FAM163A: variants seen among roughly 807,000 people sequenced by gnomAD.
FAM163A encodes the protein family with sequence similarity 163 member A.
Under a neutral mutation model 12.0 loss-of-function variants are expected in FAM163A, and 7 were observed. The observed-to-expected ratio is 0.58, with a 90% confidence interval of 0.33 to 1.10. The LOEUF (loss-of-function observed/expected upper bound fraction) is 1.10. FAM163A is among the 50% of genes least tolerant of loss of function. FAM163A has a pLI of 0.03. For synonymous variants in FAM163A, 101 were observed against 91.0 expected, an observed-to-expected ratio of 1.11 and a Z score of -0.62; for missense variants, 202 against 218.6, an observed-to-expected ratio of 0.92 and a Z score of 0.48.
intron 1 of FAM163A, among the ~76,000 whole-genome samples, chr1:179,790,369 A>G (rs901623098): frequency 6.6e-6 from 1 of 152,042 alleles, no homozygotes; most frequent in Non-Finnish European, 1.5e-5. Flanking sequence ...GGAGATGGGA[A>G]ACTGAGGCCC....
chr1:179,811,815 A>G (rs990840265), intron 2 of FAM163A, among the ~76,000 whole-genome samples: 1 of 152,176 alleles, frequency 6.6e-6, no homozygotes, highest in African/African-American at 2.4e-5. Flanking sequence ...GGAGCCACCA[A>G]CAGAGCCTCC....
intron 1 of FAM163A, among the ~76,000 whole-genome samples, chr1:179,776,959 A>G (rs1470412700): frequency 1.3e-5 from 2 of 152,210 alleles, no homozygotes; most frequent in Admixed American, 6.5e-5. Context: ...TTTTACGCCA[A>G]TGGAATTATG....
chr1:179,788,316 T>C (rs567047315), intron 1 of FAM163A, among the ~76,000 whole-genome samples: 1 of 152,338 alleles, frequency 6.6e-6, no homozygotes, highest in African/African-American at 2.4e-5. Flanking sequence ...ACGATATTTC[T>C]CTTGTTTGAA....
intron 1 of FAM163A, among the ~76,000 whole-genome samples, chr1:179,781,633 G>A (rs1689748485): frequency 6.6e-6 from 1 of 152,112 alleles, no homozygotes; most frequent in Non-Finnish European, 1.5e-5. Flanking sequence ...GTAAATGCAG[G>A]TTAGTTAAAA....
chr1:179,760,523 G>T (rs969998105), intron 1 of FAM163A, among the ~76,000 whole-genome samples: 1 of 152,204 alleles, frequency 6.6e-6, no homozygotes, highest in African/African-American at 2.4e-5. Flanking sequence ...GTAAAGTGGG[G>T]GAGAATGGGC....
chr1:179,790,798 A>G (rs1471147161), intron 1 of FAM163A, among the ~76,000 whole-genome samples: 1 of 152,200 alleles, frequency 6.6e-6, no homozygotes, highest in Non-Finnish European at 1.5e-5. Context: ...ACCTGGGAAT[A>G]TAGTGGCCTT....
intron 1 of FAM163A, among the ~76,000 whole-genome samples, chr1:179,792,283 TTGTGTGTGTGTGTGTGTGTG>T (rs3075152): frequency 7.5e-6 from 1 of 133,566 alleles, no homozygotes; most frequent in African/African-American, 2.8e-5. Context: ...CCATATCTGA[TTGTGTGTGTGTGTGTGTGTG>T]TGTGTGTGTG....
intron 1 of FAM163A, among the ~76,000 whole-genome samples, chr1:179,769,272 A>C (rs6696060): frequency 0.11 from 17,295 of 151,978 alleles, 1,083 homozygotes; most frequent in Non-Finnish European, 0.13. Context: ...TAGCCTCCTG[A>C]GTAGCTGAGA....
intron 1 of FAM163A, among the ~76,000 whole-genome samples, chr1:179,782,140 G>C (rs1311620826): frequency 6.6e-6 from 1 of 152,094 alleles, no homozygotes; most frequent in African/African-American, 2.4e-5. Flanking sequence ...TGATCTCACG[G>C]GCCGGGTGGA....
intron 1 of FAM163A, among the ~76,000 whole-genome samples, chr1:179,778,245 G>A (rs1178511520): frequency 1.3e-5 from 2 of 152,082 alleles, no homozygotes; most frequent in East Asian, 1.9e-4. Flanking sequence ...GTAAGATCAC[G>A]AGGAGGCCAG....
intron 1 of FAM163A, among the ~76,000 whole-genome samples, chr1:179,788,756 C>T (rs992550607): frequency 5.9e-5 from 9 of 152,104 alleles, no homozygotes; most frequent in Non-Finnish European, 8.8e-5. Flanking sequence ...TGCAGCTTTG[C>T]GGAGGAAAGA....
At chr1:179,750,626 G>C (rs1336773258) in intron 1 of FAM163A, among the ~76,000 whole-genome samples, 1 of 152,222 alleles carries the variant, frequency 6.6e-6, no homozygotes, top group African/African-American at 2.4e-5. Flanking sequence ...GGTAGGAAAG[G>C]GTTAAACATA....
chr1:179,812,723 C>A (rs763610184), intron 3 of FAM163A, among the ~76,000 whole-genome samples: 2 of 152,214 alleles, frequency 1.3e-5, no homozygotes, highest in Non-Finnish European at 2.9e-5. Context: ...TAGCATGATG[C>A]CACACAGGGA....
the FAM163A span, among the ~76,000 whole-genome samples, chr1:179,735,883 T>C: frequency 6.6e-6 from 1 of 152,202 alleles, no homozygotes; most frequent in Non-Finnish European, 1.5e-5. Flanking sequence ...GGTGACTCGC[T>C]GTCAACTGAT....
intron 1 of FAM163A, among the ~76,000 whole-genome samples, chr1:179,746,663 A>G (rs1411708146): frequency 6.6e-6 from 1 of 152,196 alleles, no homozygotes; most frequent in Non-Finnish European, 1.5e-5. Context: ...ATTCTGAACC[A>G]TGGGAATACG....
At chr1:179,788,459 G>A (rs1690955855) in intron 1 of FAM163A, among the ~76,000 whole-genome samples, 1 of 152,174 alleles carries the variant, frequency 6.6e-6, no homozygotes, top group South Asian at 2.1e-4. Flanking sequence ...CACTGGCCCT[G>A]CTGCTTTCTT....
chr1:179,757,799 G>A (rs1220441197), intron 1 of FAM163A, among the ~76,000 whole-genome samples: 8 of 149,690 alleles, frequency 5.3e-5, no homozygotes, highest in African/African-American at 1.2e-4. Flanking sequence ...GCGACAAAGC[G>A]AGACTGTCTC....
intron 1 of FAM163A, among the ~76,000 whole-genome samples, chr1:179,790,588 A>G (rs981895770): frequency 2.0e-5 from 3 of 152,258 alleles, no homozygotes; most frequent in South Asian, 2.1e-4. Flanking sequence ...TGTCTCCCCT[A>G]AGAGATCAAA....
At chr1:179,730,287 A>G in the FAM163A span, 1 of 152,352 alleles carries the variant, frequency 6.6e-6, no homozygotes, top group Non-Finnish European at 1.5e-5. Context: ...TCTTTCTGGG[A>G]ACGTAGGACG....
Sources: gnomAD v4.1 joint callset for allele counts (sites outside exome capture counted in the v4.1 genomes callset) on GRCh38, gnomAD v4.1.1 for gene constraint, MANE v1.5 for transcripts, NCBI Gene and HGNC (gene_info 2026-07-23, HGNC 2026-07-21) for gene names.